TTC3: variants seen among roughly 807,000 people sequenced by gnomAD.
The protein encoded by TTC3 is E3 ubiquitin-protein ligase TTC3.
In TTC3, 180 loss-of-function variants were observed where a neutral mutation model predicts 249.6. That is an observed-to-expected ratio of 0.72 (90% CI 0.64 to 0.82). TTC3 has a LOEUF of 0.82. Ranked by LOEUF, TTC3 falls within the 40% of genes least tolerant of loss-of-function variation. TTC3 has a pLI of 0.00. For synonymous variants in TTC3, 717 were observed against 805.0 expected, an observed-to-expected ratio of 0.89 and a Z score of 1.85; for missense variants, 2,061 against 2,398.4, an observed-to-expected ratio of 0.86 and a Z score of 2.94.
chr21:37,185,519 TC>T (rs2083160598), intron 36 of TTC3, among the ~76,000 whole-genome samples, 186 bp from the exon 37 acceptor site: 1 of 152,084 alleles, frequency 6.6e-6, no homozygotes, highest in African/African-American at 2.4e-5. Flanking sequence ...AAGGAAAATT[TC>T]CCAAAAGGGA....
chr21:37,114,180 T>G lies in TTC3; in HGVS notation c.900+5734T>G, dbSNP rs1357760781. Reference sequence around the variant, plus strand: ...AAGCAATGGCAACAAAAGCCAAAATTGACAAATGGGATCTAATTAAACTAA... The same window carrying G: ...AAGCAATGGCAACAAAAGCCAAAATGGACAAATGGGATCTAATTAAACTAA... On this transcript the variant is annotated intron_variant, in intron 11 of 45. Transcript: ENST00000355666. 1.1e-3 allele frequency among the ~76,000 whole-genome samples: 165 copies of G among 151,746 alleles called. 1 individual carries two copies. Among genetic ancestry groups the G allele is most frequent in the African/African-American group, 3.6e-3 (149 of 41,378 alleles).
chr21:37,155,138 G>A (rs960415557), intron 27 of TTC3, among the ~76,000 whole-genome samples: 2 of 152,160 alleles, frequency 1.3e-5, no homozygotes, highest in Non-Finnish European at 2.9e-5. Context: ...CAGTCCTGAA[G>A]TAAAATGCAC....
chr21:37,124,790 A>T lies in TTC3; in HGVS notation c.1233+48A>T, dbSNP rs761462985. The stretch of plus-strand genomic sequence containing the variant: ...GTTTTTTTCAAGGATAGATAGTCTC[A>T]TATTTTTACAGTAATATTTTGGTGG... On this transcript the variant is annotated intron_variant, in intron 14 of 45. Transcript: ENST00000355666. The T allele has an allele frequency of 1.9e-6, 3 of 1,593,052 alleles. No homozygotes were observed. In the Admixed American group the frequency reaches 5.3e-5, roughly 28 times the overall value.
At chr21:37,187,219 C>T (rs2083400562) in intron 38 of TTC3, 74 bp downstream of exon 38, 1 of 1,060,398 alleles carries the variant, frequency 9.4e-7, no homozygotes, top group Non-Finnish European at 1.4e-6. Flanking sequence ...ACATATGAGG[C>T]ATAACAGACA....
Position 37,140,677 on chromosome 21 carries a change from AG to A in TTC3, c.1772+5del, listed in dbSNP as rs1265570567. The A allele has an allele frequency of 6.3e-7, 1 of 1,585,168 alleles. No homozygotes were observed. The highest frequency in any genetic ancestry group is 1.8e-5 in the Admixed American group (1 of 55,960). On this transcript the variant is annotated splice_donor_5th_base_variant and intron_variant, in intron 20 of 45. Coordinates refer to ENST00000355666, the Ensembl canonical transcript of TTC3. ...AAGTATATTTGAAAAAAAACAGGTT[AG>A]TAGAAATGACACTACTTTAAGCTCT...
At chr21:37,187,843 T>C (rs1263880655) in intron 38 of TTC3, 1 of 152,228 alleles carries the variant, frequency 6.6e-6, no homozygotes, top group Non-Finnish European at 1.5e-5. Flanking sequence ...TATGAATACT[T>C]TTTGGGTCCT....
chr21:37,087,463 G>A, intron 2 of TTC3, 62 bp downstream of exon 2: 3 of 1,582,840 alleles, frequency 1.9e-6, no homozygotes, highest in Non-Finnish European at 2.6e-6. Context: ...CTGGTTTAGG[G>A]CTATCTGAGT....
chr21:37,165,092 G>T (rs971630864), intron 32 of TTC3, among the ~76,000 whole-genome samples: 4 of 152,152 alleles, frequency 2.6e-5, no homozygotes, highest in Non-Finnish European at 4.4e-5. Flanking sequence ...GCTAGAATTT[G>T]CTTCAGGCAT....
Position 37,181,391 on chromosome 21 carries a change from G to A in TTC3, c.4618-1383G>A, listed in dbSNP as rs115533383. 9.8e-3 allele frequency among the ~76,000 whole-genome samples: 1,493 copies of A among 152,324 alleles called. 23 individuals are homozygous for A. Among genetic ancestry groups the A allele is most frequent in the African/African-American group, 0.034 (1,397 of 41,560 alleles). ...GGAGCACAGGATAGGTGAGAAACAA[G>A]ATTGGCTTGGCTGCCAGCAGCAAGG... On this transcript the variant is annotated intron_variant, in intron 35 of 45. Transcript: ENST00000355666.
intron 1 of TTC3, among the ~76,000 whole-genome samples, chr21:37,074,241 G>T (rs1438428898): frequency 6.6e-6 from 1 of 152,230 alleles, no homozygotes; most frequent in African/African-American, 2.4e-5. Context: ...ATGGGAAGGG[G>T]GGTGGACAGG....
At chr21:37,120,042 A>G (rs2147860980) in intron 11 of TTC3, among the ~76,000 whole-genome samples, 2 of 152,206 alleles carry the variant, frequency 1.3e-5, no homozygotes, top group South Asian at 4.2e-4. Flanking sequence ...AGTGCATTTC[A>G]ATTGGCCAGT....
intron 35 of TTC3, among the ~76,000 whole-genome samples, chr21:37,177,949 C>G (rs757251472): frequency 1.3e-5 from 2 of 152,182 alleles, no homozygotes; most frequent in Non-Finnish European, 2.9e-5. Context: ...AAAAAGAAAT[C>G]TTATACTCAC....
At chr21:37,197,890 A>G in exon 44 of TTC3, 1 of 1,612,238 alleles carries the variant, frequency 6.2e-7, no homozygotes, top group East Asian at 2.2e-5. Flanking sequence ...AGCCAAACCC[A>G]GGAAAGGACA....
At chr21:37,182,698 C>T in intron 35 of TTC3, 76 bp from the exon 36 acceptor site, 1 of 1,390,906 alleles carries the variant, frequency 7.2e-7, no homozygotes, top group Non-Finnish European at 9.6e-7. Context: ...GGCACCGTCA[C>T]AATTCTAGCC....
At chr21:37,093,809 C>T (rs944005700) in intron 7 of TTC3, among the ~76,000 whole-genome samples, 196 bp from the exon 8 acceptor site, 4 of 152,052 alleles carry the variant, frequency 2.6e-5, no homozygotes, top group Non-Finnish European at 4.4e-5. Context: ...TTTTCTGCAA[C>T]ATTTTATCAG....
exon 1 of TTC3, chr21:37,073,334 C>T (rs945132724): frequency 1.7e-6 from 1 of 590,416 alleles, no homozygotes; most frequent in Non-Finnish European, 2.1e-6. Flanking sequence ...TGCTGCTGCC[C>T]GCGTCCGAGG....
intron 1 of TTC3, chr21:37,083,310 A>C (rs112682920): frequency 0.011 from 11,139 of 985,452 alleles, 78 homozygotes; most frequent in East Asian, 0.028. Flanking sequence ...AAGGTCTTCT[A>C]TGCTTATATT....
chr21:37,185,555 TTAGAAGA>T (rs2083163964), intron 36 of TTC3, 144 bp from the exon 37 acceptor site: 1 of 431,324 alleles, frequency 2.3e-6, no homozygotes, highest in African/African-American at 2.1e-5. Flanking sequence ...ATTTTCCTAT[TTAGAAGA>T]TACTAAAAAT....
intron 12 of TTC3, among the ~76,000 whole-genome samples, 197 bp from the exon 13 acceptor site, chr21:37,122,782 TCAGA>T (rs1223107338): frequency 6.6e-6 from 1 of 152,222 alleles, no homozygotes; most frequent in Non-Finnish European, 1.5e-5. Flanking sequence ...TGATGGAATG[TCAGA>T]CAAAGTTTGT....
Sources: allele counts gnomAD v4.1 joint callset (sites outside exome capture counted in the v4.1 genomes callset), GRCh38; gene constraint gnomAD v4.1.1; transcripts MANE v1.5; gene names NCBI Gene and HGNC (gene_info 2026-07-23, HGNC 2026-07-21).